The following APPBP2 variants were observed in gnomAD, a reference collection of about 807,000 sequenced individuals.
The protein encoded by APPBP2 is amyloid protein-binding protein 2.
A neutral mutation model predicts 76.0 loss-of-function variants in APPBP2; 15 were observed. The observed-to-expected ratio is 0.20, with a 90% CI of 0.13 to 0.30. APPBP2 has a LOEUF of 0.30. Ranked by LOEUF, APPBP2 falls within the 10% of genes least tolerant of loss-of-function variation. The pLI is 1.00. For synonymous variants in APPBP2, 222 were observed against 242.2 expected, an observed-to-expected ratio of 0.92 and a Z score of 0.77; for missense variants, 401 against 687.2, an observed-to-expected ratio of 0.58 and a Z score of 4.66.
At chr17:60,518,347 G>A (rs1197588778) in intron 1 of APPBP2, among the ~76,000 whole-genome samples, 2 of 123,706 alleles carry the variant, frequency 1.6e-5, no homozygotes, top group African/African-American at 5.1e-5. Context: ...ATGCCCAGCC[G>A]TGTGTGCGTG....
intron 1 of APPBP2, 41 bp downstream of exon 1, chr17:60,525,753 G>A: frequency 1.2e-6 from 2 of 1,611,852 alleles, no homozygotes; most frequent in Non-Finnish European, 1.7e-6. Flanking sequence ...CGGCCCCCGG[G>A]GTTGCTGGAG....
chr17:60,460,598 G>A, intron 9 of APPBP2, 65 bp downstream of exon 9: 3 of 1,522,410 alleles, frequency 2.0e-6, no homozygotes, highest in Middle Eastern at 1.7e-4. Context: ...GTTCCCTAAT[G>A]GGAAAAAACA....
chr17:60,474,542 C>T (rs2090575784), intron 4 of APPBP2, among the ~76,000 whole-genome samples: 1 of 152,120 alleles, frequency 6.6e-6, no homozygotes, highest in Non-Finnish European at 1.5e-5. Context: ...TCAGCACTAA[C>T]TGAAATTTCA....
chr17:60,491,215 G>A (rs554992461), intron 3 of APPBP2, among the ~76,000 whole-genome samples: 1 of 152,222 alleles, frequency 6.6e-6, no homozygotes, highest in East Asian at 1.9e-4. Context: ...ATGGAGATGA[G>A]GAACTTGTTG....
intron 10 of APPBP2, among the ~76,000 whole-genome samples, chr17:60,454,932 C>T (rs1431725200): frequency 6.6e-6 from 1 of 152,144 alleles, no homozygotes; most frequent in East Asian, 1.9e-4. Flanking sequence ...AACTGATTTC[C>T]TCCTACTCAT....
rs2090344831 is a variant in APPBP2 at position 60,446,143 on chromosome 17, C to T, written c.*1438G>A. ...TAGCTAGGAGCAACATCTTTAACAG[C>T]CAAGTCATGAACCCCTGAAAATAGG... On this transcript the variant is annotated 3_prime_UTR_variant, in exon 13 of 13. Coordinates refer to ENST00000083182, the MANE Select transcript of APPBP2 (RefSeq NM_006380.5). The T allele has an allele frequency of 6.6e-6, 1 of 152,416 alleles. No individual in the cohort carries two copies. The highest frequency in any genetic ancestry group is 2.4e-5 in the African/African-American group (1 of 41,424). 9.4% of individuals were successfully genotyped at this position (152,416 alleles called of 1,614,324 possible). A position where few individuals can be genotyped will look rare whatever the true frequency, so the allele number is the denominator to read the frequency against.
chr17:60,517,578 C>T (rs1307915352), intron 1 of APPBP2, among the ~76,000 whole-genome samples: 1 of 152,172 alleles, frequency 6.6e-6, no homozygotes, highest in African/African-American at 2.4e-5. Context: ...GAGGTAAAGT[C>T]AAGATACTTT....
chr17:60,466,185 A>G, intron 5 of APPBP2, 106 bp downstream of exon 5: 1 of 1,121,428 alleles, frequency 8.9e-7, no homozygotes, highest in Admixed American at 2.4e-5. Flanking sequence ...TATAAACCTA[A>G]TATGTAAAAG....
intron 1 of APPBP2, among the ~76,000 whole-genome samples, chr17:60,522,330 T>C (rs2091015895): frequency 6.6e-6 from 1 of 152,070 alleles, no homozygotes; most frequent in African/African-American, 2.4e-5. Flanking sequence ...ATTAACGACT[T>C]GTTTTGTTTT....
intron 1 of APPBP2, among the ~76,000 whole-genome samples, chr17:60,508,303 A>T (rs1242268227): frequency 6.6e-6 from 1 of 152,228 alleles, no homozygotes; most frequent in East Asian, 1.9e-4. Flanking sequence ...AGGAATTGCT[A>T]GTAACACTTC....
intron 1 of APPBP2, among the ~76,000 whole-genome samples, chr17:60,520,951 A>G (rs998007571): frequency 2.6e-5 from 4 of 152,140 alleles, no homozygotes; most frequent in Non-Finnish European, 5.9e-5. Flanking sequence ...TTAAGAGATA[A>G]TTGTGTTGCC....
At position 60,495,427 on chromosome 17, in the gene APPBP2, T is replaced by TTTTATTTA. The variant is rs1555634440; in HGVS notation, c.228-818_228-811dup. Among the ~76,000 whole-genome samples, 4 of 129,404 alleles carry TTTTATTTA rather than the reference T, an allele frequency of 3.1e-5. 1 individual carries two copies. Among genetic ancestry groups the TTTTATTTA allele is most frequent in the African/African-American group, 1.6e-4 (4 of 25,282 alleles). 84.9% of individuals were successfully genotyped at this position (129,404 alleles called of 152,430 possible). On this transcript the variant is annotated intron_variant, in intron 2 of 12. Transcript: ENST00000083182. ...ACACCCAATAGAATTTTTAAAAATA[T>TTTTATTTA]TTTATTTATTTATTATTTATTTATT... is the stretch of plus-strand genomic sequence containing the variant.
intron 1 of APPBP2, among the ~76,000 whole-genome samples, chr17:60,502,356 T>C (rs1567937171): frequency 6.6e-6 from 1 of 152,136 alleles, no homozygotes; most frequent in Non-Finnish European, 1.5e-5. Context: ...ACAGAATAAC[T>C]CAGGGAAAGT....
chr17:60,475,468 T>C (rs1347166682), intron 4 of APPBP2, among the ~76,000 whole-genome samples: 1 of 152,140 alleles, frequency 6.6e-6, no homozygotes, highest in Non-Finnish European at 1.5e-5. Context: ...CATGGAGATA[T>C]ACTGGGTCTT....
chr17:60,499,531 T>C (rs1363217632), intron 2 of APPBP2, among the ~76,000 whole-genome samples: 1 of 152,020 alleles, frequency 6.6e-6, no homozygotes, highest in Non-Finnish European at 1.5e-5. Flanking sequence ...AAAAGTAGAA[T>C]TACCATATAA....
chr17:60,454,572 A>C (rs1272193068), intron 10 of APPBP2, 80 bp from the exon 11 acceptor site: 2 of 876,806 alleles, frequency 2.3e-6, no homozygotes, highest in African/African-American at 3.5e-5. Context: ...AAACTTAAAT[A>C]ATATAAATGT....
chr17:60,524,770 G>A lies in APPBP2; in HGVS notation c.138+1024C>T, dbSNP rs142122062. Reference sequence around the variant, plus strand: ...CAGCCAACTTACAGATCAAGAGGAAGTATTTAAGGTCTAAAAAATAAATTA... The same window carrying A: ...CAGCCAACTTACAGATCAAGAGGAAATATTTAAGGTCTAAAAAATAAATTA... On this transcript the variant is annotated intron_variant, in intron 1 of 12. Transcript: ENST00000083182. Among the ~76,000 whole-genome samples, 230 of 152,298 alleles carry A rather than the reference G, an allele frequency of 1.5e-3. 2 individuals are homozygous for A. The highest frequency in any genetic ancestry group is 2.7e-3 in the Non-Finnish European group (183 of 68,026).
intron 1 of APPBP2, among the ~76,000 whole-genome samples, chr17:60,515,365 C>G (rs2090954461): frequency 6.6e-6 from 1 of 152,134 alleles, no homozygotes; most frequent in Non-Finnish European, 1.5e-5. Flanking sequence ...ATCCACCCAC[C>G]CTGGCCTTCC....
intron 1 of APPBP2, among the ~76,000 whole-genome samples, chr17:60,501,587 G>A (rs192828652): frequency 2.0e-5 from 3 of 151,974 alleles, no homozygotes; most frequent in East Asian, 1.9e-4. Flanking sequence ...TAGTAGAGAC[G>A]GGGTTTCACC....
Sources: allele counts gnomAD v4.1 joint callset (sites outside exome capture counted in the v4.1 genomes callset), GRCh38; gene constraint gnomAD v4.1.1; transcripts MANE v1.5; gene names NCBI Gene and HGNC (gene_info 2026-07-23, HGNC 2026-07-21).